The following ALDH8A1 variants were observed in gnomAD, a reference collection of about 807,000 sequenced individuals.
ALDH8A1 encodes the protein 2-aminomuconic semialdehyde dehydrogenase.
ALDH8A1 carries 39 observed loss-of-function variants against 43.3 expected under a neutral mutation model. The observed-to-expected ratio is 0.90, with a 90% CI of 0.70 to 1.18. The LOEUF (loss-of-function observed/expected upper bound fraction) is 1.18, where lower values mean the gene tolerates loss of function less well. Among genes scored for constraint, ALDH8A1 ranks in the 50% most tolerant of loss-of-function variants. The probability of loss-of-function intolerance (pLI) is 0.00; values close to 1 mark genes in which losing one functional copy is unlikely to be tolerated. For synonymous variants in ALDH8A1, 233 were observed against 243.5 expected (o/e 0.96, Z 0.40); for missense variants, 605 against 622.6 (o/e 0.97, Z 0.30).
At chr6:134,932,112 A>T (rs1776994768) in intron 5 of ALDH8A1, among the ~76,000 whole-genome samples, 1 of 152,234 alleles carries the variant, frequency 6.6e-6, no homozygotes, top group African/African-American at 2.4e-5. Flanking sequence ...AAGCATTGAC[A>T]TTGAAAATAC....
Position 134,942,562 on chromosome 6 carries a change from T to C in ALDH8A1, c.289A>G (p.Lys97Glu). The change falls in exon 3 of 7, where the codon AAA becomes GAA. Residue 97 changes from lysine to glutamate, a missense_variant and splice_region_variant. Transcript: ENST00000265605. ...ATGGTTCTTGCCAGTGCTAAGGTTT[T>C]CCCTGTAAGAAGCAAACAACATAAA... ...FAQAESKDQG[K>E]TLALARTMDI... is the part of the protein sequence containing the mutation. 1 of 1,613,152 alleles carries C rather than the reference T, an allele frequency of 6.2e-7. No homozygotes were observed. The highest frequency in any genetic ancestry group is 1.1e-5 in the South Asian group (1 of 90,918).
intron 5 of ALDH8A1, among the ~76,000 whole-genome samples, chr6:134,932,331 A>C (rs542850825): frequency 6.6e-6 from 1 of 152,202 alleles, no homozygotes; most frequent in Non-Finnish European, 1.5e-5. Flanking sequence ...TTCTCTAGTC[A>C]GTTTCAGGTA....
chr6:134,949,893 C>T (rs1166371935), intron 1 of ALDH8A1, 23 bp downstream of exon 1: 1 of 1,534,374 alleles, frequency 6.5e-7, no homozygotes, highest in Admixed American at 2.0e-5. Flanking sequence ...ACATTTCAGT[C>T]TTCTTTAAGT....
intron 1 of ALDH8A1, among the ~76,000 whole-genome samples, chr6:134,944,650 G>T (rs920882648): frequency 1.3e-5 from 2 of 152,042 alleles, no homozygotes; most frequent in Non-Finnish European, 2.9e-5. Context: ...TAGGGAGGCT[G>T]GGTTGGGAGG....
rs145251281 is a variant in ALDH8A1 at position 134,935,271 on chromosome 6, C to T, written c.593-2239G>A. ...CTTACTGTGGACTCATCACTGCTAT[C>T]CGTGACTCACACACTTCAGTCTTCA... On this transcript the variant is annotated intron_variant, in intron 4 of 6. Coordinates refer to ENST00000265605, the MANE Select transcript of ALDH8A1 (RefSeq NM_022568.4). 7.9e-5 allele frequency among the ~76,000 whole-genome samples: 12 copies of T among 152,302 alleles called. No individual in the cohort carries two copies. In the East Asian group the frequency reaches 2.1e-3, roughly 27 times the overall value.
At chr6:134,928,375 T>C (rs548846402) in intron 6 of ALDH8A1, among the ~76,000 whole-genome samples, 1 of 152,320 alleles carries the variant, frequency 6.6e-6, no homozygotes, top group East Asian at 1.9e-4. Flanking sequence ...TTCTACAAAC[T>C]TACGTAAATG....
intron 1 of ALDH8A1, 194 bp from the exon 2 acceptor site, chr6:134,944,160 G>A (rs891860466): frequency 3.9e-5 from 24 of 609,408 alleles, no homozygotes; most frequent in African/African-American, 2.3e-4. Context: ...CTCTGCCTCC[G>A]GGGTTCAAGT....
rs867704940 is a variant in ALDH8A1 at position 134,932,940 on chromosome 6, A to G, written c.685T>C (p.Phe229Leu). 8 of 1,614,098 alleles carry G rather than the reference A, an allele frequency of 5.0e-6. 1 individual carries two copies. In the Middle Eastern group the frequency reaches 8.2e-4, roughly 166 times the overall value. ...TCAGCGGTGGGCTGGCTCCCGGTGA[A>G]GGAGATCAGGGGCACCTCTGGGTGG... Reference protein sequence around the residue: ...VSHPEVPLISFTGSQPTAERI... With the variant: ...VSHPEVPLISLTGSQPTAERI... Residue 229 changes from phenylalanine to leucine, a missense_variant, in exon 5 of 7, where the codon TTC (phenylalanine) becomes CTC (leucine). Coordinates refer to ENST00000265605, the MANE Select transcript of ALDH8A1 (RefSeq NM_022568.4).
chr6:134,942,714 T>G, intron 2 of ALDH8A1, 150 bp from the exon 3 acceptor site: 1 of 736,432 alleles, frequency 1.4e-6, no homozygotes, highest in South Asian at 2.1e-5. Context: ...AAAGACTTGA[T>G]CATGGTTTGA....
chr6:134,921,264 G>A (rs955103462), intron 6 of ALDH8A1, among the ~76,000 whole-genome samples: 4 of 152,128 alleles, frequency 2.6e-5, no homozygotes, highest in South Asian at 4.1e-4. Context: ...CCTAGCAGGG[G>A]ATGCACCCAT....
intron 1 of ALDH8A1, among the ~76,000 whole-genome samples, chr6:134,948,227 A>G (rs1024100457): frequency 1.3e-5 from 2 of 152,202 alleles, no homozygotes; most frequent in Admixed American, 6.5e-5. Context: ...AGAGAGTACA[A>G]TTATGGTTAC....
At chr6:134,931,770 G>A (rs997819716) in intron 5 of ALDH8A1, among the ~76,000 whole-genome samples, 2 of 152,182 alleles carry the variant, frequency 1.3e-5, no homozygotes, top group African/African-American at 4.8e-5. Context: ...CACTTCAAGA[G>A]TTACAGTGAG....
chr6:134,948,755 A>G (rs1773995866), intron 1 of ALDH8A1, among the ~76,000 whole-genome samples: 1 of 152,198 alleles, frequency 6.6e-6, no homozygotes, highest in Non-Finnish European at 1.5e-5. Flanking sequence ...CTATTACTCT[A>G]CTAGCTAGCG....
chr6:134,932,852 T>C lies in ALDH8A1; in HGVS notation c.773A>G (p.Asn258Ser). 1 of 1,614,210 alleles carries C rather than the reference T, an allele frequency of 6.2e-7. No individual in the cohort carries two copies. Among genetic ancestry groups the C allele is most frequent in the Non-Finnish European group, 8.5e-7 (1 of 1,180,038 alleles). Residue 258 changes from asparagine (N) to serine (S), a missense_variant, in exon 5 of 7, where the codon AAT (asparagine) becomes AGT (serine). Coordinates refer to ENST00000265605, the MANE Select transcript of ALDH8A1 (RefSeq NM_022568.4). Reference protein sequence around the residue: ...KKLSLELGGKNPAIIFEDANL... With the variant: ...KKLSLELGGKSPAIIFEDANL... Reference sequence around the variant, plus strand: ...GGCGTCCTCAAAGATGATGGCAGGATTCTTGCCCCCCAGCTCCAGGGAGAG... The same window carrying C: ...GGCGTCCTCAAAGATGATGGCAGGACTCTTGCCCCCCAGCTCCAGGGAGAG...
intron 2 of ALDH8A1, among the ~76,000 whole-genome samples, chr6:134,943,424 G>A (rs1773894292): frequency 6.6e-6 from 1 of 152,182 alleles, no homozygotes; most frequent in South Asian, 2.1e-4. Context: ...TAATCTGACT[G>A]CATAACTGCT....
chr6:134,944,655 G>A lies in ALDH8A1; in HGVS notation c.139-689C>T, dbSNP rs183823386. On this transcript the variant is annotated intron_variant, in intron 1 of 6. Transcript: ENST00000265605. ...TCTTAGCACTTAGGGAGGCTGGGTTGGGAGGATCGCTTGAGCCCAGGAGTT... is the reference window on the plus strand; with the variant it reads ...TCTTAGCACTTAGGGAGGCTGGGTTAGGAGGATCGCTTGAGCCCAGGAGTT... Among the ~76,000 whole-genome samples the A allele has an allele frequency of 1.4e-3, 213 of 152,168 alleles. 2 individuals carry two copies. The highest frequency in any genetic ancestry group is 5.3e-4 in the Non-Finnish European group (36 of 67,992).
chr6:134,937,474 T>C (rs1455834838), intron 4 of ALDH8A1, among the ~76,000 whole-genome samples: 5 of 152,182 alleles, frequency 3.3e-5, no homozygotes, highest in Non-Finnish European at 7.4e-5. Context: ...AGAAGGGCTG[T>C]CTTAGTTTAA....
intron 6 of ALDH8A1, among the ~76,000 whole-genome samples, chr6:134,923,959 C>A (rs1311128955): frequency 3.3e-5 from 5 of 152,190 alleles, no homozygotes; most frequent in Non-Finnish European, 7.3e-5. Context: ...CGAGAATCTT[C>A]TTCCTGGGAG....
chr6:134,933,172 G>A (rs1024388993), intron 4 of ALDH8A1, 140 bp from the exon 5 acceptor site: 39 of 977,266 alleles, frequency 4.0e-5, no homozygotes, highest in Non-Finnish European at 5.6e-5. Flanking sequence ...TACAACACTT[G>A]GAACTTCTAT....
Sources: gnomAD v4.1 joint callset for allele counts (sites outside exome capture counted in the v4.1 genomes callset) on GRCh38, gnomAD v4.1.1 for gene constraint, MANE v1.5 for transcripts, NCBI Gene and HGNC (gene_info 2026-07-23, HGNC 2026-07-21) for gene names.